The following SOBP variants were observed in gnomAD, a reference collection of about 807,000 sequenced individuals.
SOBP encodes the protein sine oculis binding protein homolog.
Under a neutral mutation model 53.6 loss-of-function variants are expected in SOBP, and 4 were observed. The ratio of observed to expected loss-of-function variants is 0.07; its 90% CI spans 0.04 to 0.17. The LOEUF is 0.17. Ranked by LOEUF, SOBP falls within the 10% of genes least tolerant of loss-of-function variation. SOBP has a pLI of 1.00. For synonymous variants in SOBP, 584 were observed against 522.6 expected (o/e 1.12, Z -1.60); for missense variants, 1,088 against 1,204.7 (o/e 0.90, Z 1.43).
chr6:107,614,674 G>C (rs570650902), intron 5 of SOBP, among the ~76,000 whole-genome samples: 4 of 152,368 alleles, frequency 2.6e-5, no homozygotes, highest in Non-Finnish European at 4.4e-5. Flanking sequence ...GCGTATGGCA[G>C]CAGGGCTGCC....
intron 3 of SOBP, among the ~76,000 whole-genome samples, chr6:107,507,130 C>G (rs1583152939): frequency 6.6e-6 from 1 of 151,866 alleles, no homozygotes; most frequent in East Asian, 1.9e-4. Context: ...CACATCTCCT[C>G]TGGGGTCTTC....
At chr6:107,563,807 A>G (rs1784839240) in intron 4 of SOBP, among the ~76,000 whole-genome samples, 1 of 152,202 alleles carries the variant, frequency 6.6e-6, no homozygotes, top group African/African-American at 2.4e-5. Context: ...CACATTTCCC[A>G]TGAATGTAGC....
chr6:107,499,906 T>TAACTACTA (rs1303283949), intron 1 of SOBP, among the ~76,000 whole-genome samples: 2 of 152,176 alleles, frequency 1.3e-5, no homozygotes, highest in African/African-American at 4.8e-5. Context: ...CCTTTACTGT[T>TAACTACTA]TTTCACATAT....
intron 5 of SOBP, among the ~76,000 whole-genome samples, chr6:107,628,714 A>G (rs781466142): frequency 2.0e-4 from 31 of 152,320 alleles, no homozygotes; most frequent in South Asian, 1.2e-3. Flanking sequence ...TCATGCCAAC[A>G]TCTTTTGATT....
intron 4 of SOBP, among the ~76,000 whole-genome samples, chr6:107,581,983 G>C (rs187587073): frequency 6.6e-6 from 1 of 152,070 alleles, no homozygotes; most frequent in Non-Finnish European, 1.5e-5. Flanking sequence ...TGCTCTCCCC[G>C]GCCCTGATTC....
At chr6:107,637,924 T>C (rs542273733) in intron 6 of SOBP, among the ~76,000 whole-genome samples, 2 of 152,382 alleles carry the variant, frequency 1.3e-5, no homozygotes, top group South Asian at 4.1e-4. Flanking sequence ...GATGTGGTGA[T>C]GAAATTGCCC....
At chr6:107,575,641 G>A (rs1393853629) in intron 4 of SOBP, among the ~76,000 whole-genome samples, 1 of 152,112 alleles carries the variant, frequency 6.6e-6, no homozygotes, top group African/African-American at 2.4e-5. Context: ...ACACTAAGAA[G>A]GGAGAGGTTG....
chr6:107,567,123 A>C (rs962454908), intron 4 of SOBP, among the ~76,000 whole-genome samples: 4 of 152,222 alleles, frequency 2.6e-5, no homozygotes, highest in African/African-American at 9.6e-5. Flanking sequence ...CTGTTTTAGA[A>C]GGACTCACTT....
chr6:107,525,474 A>G (rs112666943), intron 3 of SOBP, among the ~76,000 whole-genome samples: 59 of 152,290 alleles, frequency 3.9e-4, no homozygotes, highest in African/African-American at 1.4e-3. Flanking sequence ...ATAAATGAGG[A>G]AGGGACATTG....
chr6:107,524,387 T>G (rs1300428613), intron 3 of SOBP, among the ~76,000 whole-genome samples: 1 of 152,248 alleles, frequency 6.6e-6, no homozygotes, highest in Non-Finnish European at 1.5e-5. Context: ...CATCTTAGAT[T>G]GCTCAGAGGT....
chr6:107,634,554 C>T lies in SOBP; in HGVS notation c.1710C>T (p.Ser570=), dbSNP rs1283220654. Residue 570 remains serine (S), a synonymous_variant, in exon 6 of 7, where the codon TCC becomes TCT. Transcript: ENST00000317357. This position sits in a 1 kb window ranked among gnomAD's most constrained non-coding sequence, Gnocchi z 4.5. The part of the protein sequence containing the change: ...ENFIPNAPGD[S]AAAGGKPSGH... Reference sequence around the variant, plus strand: ...TCATTCCGAACGCCCCTGGCGACTCCGCGGCGGCGGGCGGCAAGCCAAGCG... The same window carrying T: ...TCATTCCGAACGCCCCTGGCGACTCTGCGGCGGCGGGCGGCAAGCCAAGCG... 2.5e-6 allele frequency: 4 copies of T among 1,608,114 alleles called. No homozygotes were observed. The highest frequency in any genetic ancestry group is 2.2e-5 in the South Asian group (2 of 91,058).
At chr6:107,655,522 C>T (rs1209512259) in intron 6 of SOBP, among the ~76,000 whole-genome samples, 2 of 152,190 alleles carry the variant, frequency 1.3e-5, no homozygotes, top group Non-Finnish European at 2.9e-5. Context: ...AAATTGTCTA[C>T]TTTACCATTC....
intron 6 of SOBP, among the ~76,000 whole-genome samples, chr6:107,657,605 G>T (rs1323983807): frequency 6.6e-6 from 1 of 152,188 alleles, no homozygotes; most frequent in African/African-American, 2.4e-5. Flanking sequence ...GAGACATGGG[G>T]TTACAGGAGT....
intron 4 of SOBP, among the ~76,000 whole-genome samples, chr6:107,570,570 G>A (rs924709932): frequency 6.6e-6 from 1 of 152,332 alleles, no homozygotes; most frequent in South Asian, 2.1e-4. Flanking sequence ...TTACAGCCAC[G>A]CTCTCATTCT....
At chr6:107,583,614 G>A (rs762522695) in intron 4 of SOBP, among the ~76,000 whole-genome samples, 1 of 152,036 alleles carries the variant, frequency 6.6e-6, no homozygotes, top group Non-Finnish European at 1.5e-5. Flanking sequence ...TAACCTCGAA[G>A]TGCTGGGCTC....
chr6:107,595,331 A>T (rs915520066), intron 5 of SOBP, among the ~76,000 whole-genome samples: 6 of 140,438 alleles, frequency 4.3e-5, no homozygotes, highest in African/African-American at 1.6e-4. Flanking sequence ...TAAAAGTCTG[A>T]CTGCTATAGA....
At chr6:107,593,416 T>G (rs1378644915) in intron 5 of SOBP, among the ~76,000 whole-genome samples, 1 of 152,164 alleles carries the variant, frequency 6.6e-6, no homozygotes, top group African/African-American at 2.4e-5. Context: ...ATGGTTTGGT[T>G]TTCATGCTGG....
At chr6:107,640,241 T>C (rs140792014) in intron 6 of SOBP, among the ~76,000 whole-genome samples, 102 of 152,314 alleles carry the variant, frequency 6.7e-4, no homozygotes, top group Non-Finnish European at 1.2e-3. Context: ...AGTCAGTCCA[T>C]ACATTCGAAA....
At chr6:107,529,452 A>G (rs1414511632) in intron 3 of SOBP, 1 of 985,290 alleles carries the variant, frequency 1.0e-6, no homozygotes, top group Non-Finnish European at 1.2e-6. Context: ...GGATGTGTGC[A>G]TTCTAGGAAC....
Sources: gnomAD v4.1 joint callset for allele counts (sites outside exome capture counted in the v4.1 genomes callset) on GRCh38, gnomAD v4.1.1 for gene constraint, Gnocchi (gnomAD v3.1) non-coding constraint, MANE v1.5 for transcripts, NCBI Gene and HGNC (gene_info 2026-07-23, HGNC 2026-07-21) for gene names.